KLHL29: variants seen among roughly 807,000 people sequenced by gnomAD.
The protein encoded by KLHL29 is kelch like family member 29.
KLHL29 carries 21 observed loss-of-function variants against 80.4 expected under a neutral mutation model. The ratio of observed to expected loss-of-function variants is 0.26; its 90% CI spans 0.19 to 0.38. KLHL29 has a LOEUF of 0.38. KLHL29 is among the 10% of genes least tolerant of loss of function. The pLI, the probability that KLHL29 is intolerant of heterozygous loss-of-function variation, is 1.00. For missense variants in KLHL29, 867 were observed against 1,223.9 expected (o/e 0.71, Z 4.35); for synonymous variants, 511 against 526.8 (o/e 0.97, Z 0.41).
intron 2 of KLHL29, among the ~76,000 whole-genome samples, chr2:23,483,854 T>C (rs540368561): frequency 1.3e-5 from 2 of 152,200 alleles, no homozygotes; most frequent in East Asian, 3.9e-4. Context: ...CAGGGGCCCT[T>C]CTTGTTCCCA....
chr2:23,697,364 C>G (rs1229822452), intron 11 of KLHL29: 1 of 152,234 alleles, frequency 6.6e-6, no homozygotes, highest in African/African-American at 2.4e-5. Flanking sequence ...CTTAGTCCTG[C>G]TTTTGGAGAA....
At chr2:23,572,930 C>T (rs1328174798) in intron 3 of KLHL29, among the ~76,000 whole-genome samples, 12 of 152,192 alleles carry the variant, frequency 7.9e-5, no homozygotes, top group Admixed American at 7.2e-4. Context: ...CCTCGTGATC[C>T]GCCCGCCTCG....
chr2:23,623,354 T>A (rs561182161), intron 3 of KLHL29, among the ~76,000 whole-genome samples: 1 of 152,242 alleles, frequency 6.6e-6, no homozygotes, highest in East Asian at 1.9e-4. Flanking sequence ...AGGAGGACAG[T>A]CCGCTGTCTG....
At chr2:23,694,577 ATGAGCT>A (rs763651040) in intron 8 of KLHL29, among the ~76,000 whole-genome samples, 45 of 152,326 alleles carry the variant, frequency 3.0e-4, no homozygotes, top group Middle Eastern at 3.4e-3. Flanking sequence ...GAGCATGAGC[ATGAGCT>A]GGCCTCCCCA....
At chr2:23,427,514 G>A (rs929244030) in intron 1 of KLHL29, among the ~76,000 whole-genome samples, 3 of 152,174 alleles carry the variant, frequency 2.0e-5, no homozygotes, top group Non-Finnish European at 2.9e-5. Flanking sequence ...CGTGTTCTGC[G>A]TGGCCACATC....
intron 2 of KLHL29, among the ~76,000 whole-genome samples, chr2:23,481,950 T>C (rs1230714279): frequency 6.6e-6 from 1 of 150,464 alleles, no homozygotes; most frequent in Non-Finnish European, 1.5e-5. Flanking sequence ...AGCATCTGAG[T>C]GCTGAGACTG....
intron 3 of KLHL29, among the ~76,000 whole-genome samples, chr2:23,594,276 A>G (rs1668341500): frequency 6.6e-6 from 1 of 152,116 alleles, no homozygotes; most frequent in Non-Finnish European, 1.5e-5. Flanking sequence ...CCGGGCACTC[A>G]GAGGTGGAGG....
At chr2:23,395,159 C>G (rs1195745465) in intron 1 of KLHL29, among the ~76,000 whole-genome samples, 1 of 152,150 alleles carries the variant, frequency 6.6e-6, no homozygotes, top group African/African-American at 2.4e-5. Flanking sequence ...GGCACCACAT[C>G]TCACCAGGAA....
rs747695121 is a variant in KLHL29 at position 23,696,044 on chromosome 2, A to C, written c.1835A>C (p.Asn612Thr). 1.7e-5 allele frequency: 26 copies of C among 1,551,584 alleles called. No homozygotes were observed. The African/African-American group carries it at 3.6e-4, about 21-fold the overall frequency. ...LVAVTCWNPQ[N>T]NKWYPLASLP... ...GCCGTCACCTGCTGGAACCCGCAGA[A>C]CAACAAGTGGTACCCCTTGGCCTCG... Residue 612 changes from asparagine to threonine, a missense_variant, in exon 10 of 14, where the codon AAC (asparagine) becomes ACC (threonine). This residue lies in a region of KLHL29 where 443 missense variants were observed against 767.0 expected (regional missense o/e 0.58). Coordinates refer to ENST00000486442, the MANE Select transcript of KLHL29 (RefSeq NM_052920.2). This position sits in a 1 kb window ranked among gnomAD's most constrained non-coding sequence, Gnocchi z 5.5.
chr2:23,671,796 G>C lies in KLHL29; in HGVS notation c.941-12603G>C, dbSNP rs189278885. On this transcript the variant is annotated intron_variant, in intron 5 of 13. Transcript: ENST00000486442. ...CAGAGCCAGCCACTTCTGGAACCTAGGGCTGCCCACTGGCTGGGGATGGAG... is the reference window on the plus strand; with the variant it reads ...CAGAGCCAGCCACTTCTGGAACCTACGGCTGCCCACTGGCTGGGGATGGAG... Among the ~76,000 whole-genome samples, 5 of 152,354 alleles carry C rather than the reference G, an allele frequency of 3.3e-5. No homozygotes were observed. In the East Asian group the frequency reaches 9.7e-4, roughly 29 times the overall value.
chr2:23,439,262 C>A (rs1269894723), intron 1 of KLHL29, among the ~76,000 whole-genome samples: 1 of 152,064 alleles, frequency 6.6e-6, no homozygotes, highest in Non-Finnish European at 1.5e-5. Context: ...AAAAAACCAG[C>A]TCCTGGGTTC....
At chr2:23,586,688 G>A (rs1407262397) in intron 3 of KLHL29, among the ~76,000 whole-genome samples, 1 of 152,122 alleles carries the variant, frequency 6.6e-6, no homozygotes, top group Non-Finnish European at 1.5e-5. Flanking sequence ...TAAGGATCGG[G>A]GGATGACCTC....
chr2:23,508,603 G>C (rs755213243), intron 2 of KLHL29, among the ~76,000 whole-genome samples: 6 of 152,358 alleles, frequency 3.9e-5, no homozygotes, highest in Middle Eastern at 6.8e-3. Context: ...GGAGTGTCGA[G>C]GTTCTAGAAG....
At chr2:23,453,404 G>A (rs1663946884) in intron 1 of KLHL29, among the ~76,000 whole-genome samples, 1 of 152,234 alleles carries the variant, frequency 6.6e-6, no homozygotes, top group African/African-American at 2.4e-5. Flanking sequence ...TGCTAACAAT[G>A]CATCTCCCAC....
intron 2 of KLHL29, among the ~76,000 whole-genome samples, chr2:23,542,312 C>A (rs545278606): frequency 4.6e-5 from 7 of 152,288 alleles, no homozygotes; most frequent in African/African-American, 1.7e-4. Context: ...AGTAGACCCA[C>A]CTGCCTGGAA....
At chr2:23,493,273 C>T (rs896348490) in intron 2 of KLHL29, among the ~76,000 whole-genome samples, 1 of 152,084 alleles carries the variant, frequency 6.6e-6, no homozygotes, top group South Asian at 2.1e-4. Context: ...GGATTTATGC[C>T]GTGGCCAGGC....
At chr2:23,586,179 G>T (rs1207433764) in intron 3 of KLHL29, among the ~76,000 whole-genome samples, 1 of 152,040 alleles carries the variant, frequency 6.6e-6, no homozygotes, top group Non-Finnish European at 1.5e-5. Context: ...AAAAATTGTG[G>T]TAAGCGATAC....
chr2:23,685,108 T>C (rs1164705899), intron 6 of KLHL29, among the ~76,000 whole-genome samples: 2 of 152,258 alleles, frequency 1.3e-5, no homozygotes, highest in Admixed American at 6.5e-5. Context: ...CCTTGTGCAG[T>C]GAGCCTAAAC....
rs1300229144 is a variant in KLHL29, at chr2:23,596,141, T to C, written c.285+33660T>C. On this transcript the variant is annotated intron_variant, in intron 3 of 13. Transcript: ENST00000486442. The surrounding 1 kb of genome is among the most constrained non-coding windows in gnomAD (Gnocchi z 4.4). Reference sequence around the variant, plus strand: ...GTGGTTTGAACTGAGCCGCATACAATAGAGCACCCTCGGCAGCCAGCCGGA... The same window carrying C: ...GTGGTTTGAACTGAGCCGCATACAACAGAGCACCCTCGGCAGCCAGCCGGA... Among the ~76,000 whole-genome samples the C allele has an allele frequency of 6.6e-6, 1 of 152,090 alleles. No individual in the cohort carries two copies. The highest frequency in any genetic ancestry group is 2.4e-5 in the African/African-American group (1 of 41,424).
Sources: gnomAD v4.1 joint callset for allele counts (sites outside exome capture counted in the v4.1 genomes callset) on GRCh38, gnomAD v4.1.1 for gene constraint, gnomAD v4.1.1 regional missense constraint, Gnocchi (gnomAD v3.1) non-coding constraint, MANE v1.5 for transcripts, NCBI Gene and HGNC (gene_info 2026-07-23, HGNC 2026-07-21) for gene names.